Variants in KCNAB1 observed in about 807,000 individuals in gnomAD.
KCNAB1 encodes voltage-gated potassium channel subunit beta-1.
Under a neutral mutation model 64.6 loss-of-function variants are expected in KCNAB1, and 35 were observed. The observed-to-expected ratio is 0.54, with a 90% CI of 0.41 to 0.72. The LOEUF (loss-of-function observed/expected upper bound fraction) is 0.72. KCNAB1 is among the 30% of genes least tolerant of loss of function. The pLI is 0.00. For missense variants in KCNAB1, 401 were observed against 512.9 expected, an observed-to-expected ratio of 0.78 and a Z score of 2.11; for synonymous variants, 177 against 183.8, an observed-to-expected ratio of 0.96 and a Z score of 0.30.
At chr3:156,202,705 T>C (rs542684552) in intron 1 of KCNAB1, among the ~76,000 whole-genome samples, 1 of 152,340 alleles carries the variant, frequency 6.6e-6, no homozygotes, top group East Asian at 1.9e-4. Context: ...GTCATAGATA[T>C]TGTCTGTCAT....
In KCNAB1 at chr3:156,457,512, C is replaced by T. The variant is rs146234419; in HGVS notation, c.417C>T (p.Ala139=). 2.5e-4 allele frequency: 402 copies of T among 1,613,704 alleles called. 4 individuals carry two copies. The South Asian group carries it at 3.9e-3, about 16-fold the overall frequency. The change falls in exon 4 of 14, where the codon GCC becomes GCT. Residue 139 remains alanine (A), a synonymous_variant. Transcript: ENST00000490337. The part of the protein sequence containing the change: ...YESGVNLFDT[A]EVYAAGKAEV... ...GTGGTGTTAACCTCTTTGATACTGC[C>T]GAAGTCTATGCTGCTGGAAAGTAAG...
chr3:156,245,506 G>A (rs775067067), intron 1 of KCNAB1, among the ~76,000 whole-genome samples: 7 of 151,356 alleles, frequency 4.6e-5, no homozygotes, highest in South Asian at 4.2e-4. Flanking sequence ...GTGTGTGCAC[G>A]CGTATGTGTA....
At chr3:156,474,701 A>G (rs1237948284) in intron 7 of KCNAB1, 33 bp from the exon 8 acceptor site, 1 of 1,522,174 alleles carries the variant, frequency 6.6e-7, no homozygotes, top group East Asian at 2.3e-5. Flanking sequence ...TCATATTTAG[A>G]TTTTGGGGTT....
chr3:156,512,682 A>G (rs990392011), intron 8 of KCNAB1, among the ~76,000 whole-genome samples: 11 of 152,226 alleles, frequency 7.2e-5, no homozygotes, highest in African/African-American at 2.7e-4. Context: ...ACGCATCTCC[A>G]TTTGTATAAT....
At chr3:156,387,487 TA>T (rs1181546044) in intron 1 of KCNAB1, among the ~76,000 whole-genome samples, 1 of 152,244 alleles carries the variant, frequency 6.6e-6, no homozygotes, top group Non-Finnish European at 1.5e-5. Context: ...AGTATAATTT[TA>T]AAACATTTTT....
chr3:156,376,622 G>C (rs1366174929), intron 1 of KCNAB1, among the ~76,000 whole-genome samples: 1 of 152,152 alleles, frequency 6.6e-6, no homozygotes, highest in Non-Finnish European at 1.5e-5. Flanking sequence ...GTTGTTTGAG[G>C]AATAATACAG....
intron 1 of KCNAB1, among the ~76,000 whole-genome samples, chr3:156,420,267 C>G (rs1715383241): frequency 6.6e-6 from 1 of 152,220 alleles, no homozygotes; most frequent in South Asian, 2.1e-4. Context: ...CTACATCTTC[C>G]AAATGAAGAA....
At chr3:156,153,712 G>T (rs747060248) in intron 1 of KCNAB1, among the ~76,000 whole-genome samples, 1 of 152,214 alleles carries the variant, frequency 6.6e-6, no homozygotes, top group African/African-American at 2.4e-5. Context: ...GTCTATTTCT[G>T]CTTTCAGAGT....
At chr3:156,206,282 A>ATT (rs1337330642) in intron 1 of KCNAB1, among the ~76,000 whole-genome samples, 4 of 152,094 alleles carry the variant, frequency 2.6e-5, no homozygotes, top group Non-Finnish European at 5.9e-5. Context: ...ACTTAAGAAT[A>ATT]TTTCACTTTC....
At chr3:156,335,623 G>A (rs1415133363) in intron 1 of KCNAB1, among the ~76,000 whole-genome samples, 2 of 152,146 alleles carry the variant, frequency 1.3e-5, no homozygotes, top group South Asian at 2.1e-4. Context: ...AAGTAATTGT[G>A]TTAGGATTTC....
intron 1 of KCNAB1, among the ~76,000 whole-genome samples, chr3:156,268,804 A>G (rs1718868291): frequency 6.6e-6 from 1 of 152,078 alleles, no homozygotes; most frequent in Non-Finnish European, 1.5e-5. Flanking sequence ...ATTTTCTCCC[A>G]GTATCTCTTC....
intron 8 of KCNAB1, among the ~76,000 whole-genome samples, chr3:156,490,692 A>G (rs943629844): frequency 5.3e-5 from 8 of 152,156 alleles, no homozygotes; most frequent in Non-Finnish European, 1.0e-4. Flanking sequence ...AGAAAAGATA[A>G]GAAAATAAGG....
intron 1 of KCNAB1, among the ~76,000 whole-genome samples, chr3:156,358,689 G>A (rs1380132518): frequency 6.6e-6 from 1 of 151,980 alleles, no homozygotes; most frequent in Non-Finnish European, 1.5e-5. Context: ...TTAATTGAAG[G>A]GAGAGCCTGA....
At chr3:156,281,465 T>A (rs1383698644) in intron 1 of KCNAB1, among the ~76,000 whole-genome samples, 3 of 150,538 alleles carry the variant, frequency 2.0e-5, no homozygotes, top group Non-Finnish European at 4.5e-5. Context: ...GGTATCAGAA[T>A]GATGCTGGCC....
chr3:156,279,128 C>T (rs1412020065), intron 1 of KCNAB1, among the ~76,000 whole-genome samples: 111 of 149,888 alleles, frequency 7.4e-4, no homozygotes, highest in African/African-American at 2.0e-3. Flanking sequence ...CCCACCACCC[C>T]ACAACAGTCC....
intron 2 of KCNAB1, among the ~76,000 whole-genome samples, chr3:156,448,101 G>T (rs1996876): frequency 0.079 from 12,072 of 152,244 alleles, 647 homozygotes; most frequent in Non-Finnish European, 0.13. Context: ...ACCTAACACA[G>T]GTTTTCAAAG....
At chr3:156,464,401 A>G (rs114737426) in intron 6 of KCNAB1, among the ~76,000 whole-genome samples, 2,359 of 152,270 alleles carry the variant, frequency 0.015, 57 homozygotes, top group African/African-American at 0.054. Flanking sequence ...TTTGACAAAC[A>G]TGTAAGAAAA....
chr3:156,320,667 A>G (rs981383523), intron 1 of KCNAB1, among the ~76,000 whole-genome samples: 9 of 152,136 alleles, frequency 5.9e-5, no homozygotes. Flanking sequence ...ATGTTGCTGA[A>G]ATAGCTCTTG....
chr3:156,472,060 C>T (rs989522371), intron 7 of KCNAB1, among the ~76,000 whole-genome samples: 5 of 152,170 alleles, frequency 3.3e-5, no homozygotes, highest in Admixed American at 2.6e-4. Flanking sequence ...CCAAGAGCTC[C>T]ATGTAGTGAC....
Sources: allele counts gnomAD v4.1 joint callset (sites outside exome capture counted in the v4.1 genomes callset), GRCh38; gene constraint gnomAD v4.1.1; transcripts MANE v1.5; gene names NCBI Gene and HGNC (gene_info 2026-07-23, HGNC 2026-07-21).